Variants in JAKMIP1 observed in about 807,000 individuals in gnomAD.
JAKMIP1 encodes janus kinase and microtubule interacting protein 1.
In JAKMIP1, 33 loss-of-function variants were observed where a neutral mutation model predicts 113.0. That is an observed-to-expected ratio of 0.29 (90% CI 0.22 to 0.39). JAKMIP1 has a LOEUF of 0.39. Ranked by LOEUF, JAKMIP1 falls within the 10% of genes least tolerant of loss-of-function variation. JAKMIP1 has a pLI of 1.00. For synonymous variants in JAKMIP1, 480 were observed against 459.9 expected (o/e 1.04, Z -0.56); for missense variants, 813 against 1,080.5 (o/e 0.75, Z 3.47).
chr4:6,140,539 A>G lies in JAKMIP1; in HGVS notation c.-147-27542T>C, dbSNP rs1465535546. Among the ~76,000 whole-genome samples, 2 of 152,120 alleles carry G rather than the reference A, an allele frequency of 1.3e-5. No individual in the cohort carries two copies. The highest frequency in any genetic ancestry group is 3.9e-4 in the East Asian group (2 of 5,188). Reference sequence around the variant, plus strand: ...AATAATGTGGCTCGGGTCTTTCTGCAGGGTCAGAGGGAAGTCGGCCCGCTA... The same window carrying G: ...AATAATGTGGCTCGGGTCTTTCTGCGGGGTCAGAGGGAAGTCGGCCCGCTA... On this transcript the variant is annotated intron_variant, in intron 1 of 20. Transcript: ENST00000409021. The surrounding 1 kb of genome is among the most constrained non-coding windows in gnomAD (Gnocchi z 9.4).
chr4:6,171,871 G>T (rs1226136734), intron 1 of JAKMIP1, among the ~76,000 whole-genome samples: 2 of 152,230 alleles, frequency 1.3e-5, no homozygotes, highest in African/African-American at 4.8e-5. Context: ...TCCATTAAGT[G>T]GGGACAATGC....
chr4:6,072,543 C>T (rs549039643), intron 8 of JAKMIP1, among the ~76,000 whole-genome samples: 1 of 152,168 alleles, frequency 6.6e-6, no homozygotes, highest in Non-Finnish European at 1.5e-5. Context: ...AGCAAAGGGC[C>T]CACAGTTACA....
At position 6,192,790 on chromosome 4, in the gene JAKMIP1, A is replaced by G. The variant is rs553615377; in HGVS notation, c.-148+7463T>C. ...AATAAAATCATTTCAGATCATGATGATTCTCAAAAGCAAACAGGGTACTGA... is the reference window on the plus strand; with the variant it reads ...AATAAAATCATTTCAGATCATGATGGTTCTCAAAAGCAAACAGGGTACTGA... On this transcript the variant is annotated intron_variant, in intron 1 of 20. Transcript: ENST00000409021. The surrounding 1 kb of genome is among the most constrained non-coding windows in gnomAD (Gnocchi z 5.0). Among the ~76,000 whole-genome samples the G allele has an allele frequency of 7.2e-5, 11 of 152,222 alleles. No individual in the cohort carries two copies. Among genetic ancestry groups the G allele is most frequent in the Admixed American group, 2.0e-4 (3 of 15,298 alleles).
Position 6,154,478 on chromosome 4 carries a change from T to C in JAKMIP1, c.-147-41481A>G, listed in dbSNP as rs1463563303. Among the ~76,000 whole-genome samples, 2 of 150,816 alleles carry C rather than the reference T, an allele frequency of 1.3e-5. 1 individual carries two copies. Among genetic ancestry groups the C allele is most frequent in the African/African-American group, 4.9e-5 (2 of 40,972 alleles). ...TTCCCTGAGTGATTGGACAAGGAATTTGTCAGATGTCTATAGTCCTTTAAA... is the reference window on the plus strand; with the variant it reads ...TTCCCTGAGTGATTGGACAAGGAATCTGTCAGATGTCTATAGTCCTTTAAA... On this transcript the variant is annotated intron_variant, in intron 1 of 20. Coordinates refer to ENST00000409021, the MANE Select transcript of JAKMIP1 (RefSeq NM_001099433.2). This position sits in a 1 kb window ranked among gnomAD's most constrained non-coding sequence, Gnocchi z 4.2.
Position 6,050,654 on chromosome 4 carries a change from A to T in JAKMIP1, c.1832T>A (p.Phe611Tyr), listed in dbSNP as rs774534604. Residue 611 changes from phenylalanine (F) to tyrosine (Y), a missense_variant, in exon 14 of 21, where the codon TTT (phenylalanine) becomes TAT (tyrosine). Physicochemically the swap from Phe to Tyr is conservative, Grantham distance 22. Around this residue, in one of 2 missense-constraint regions of JAKMIP1, gnomAD observed 273 missense variants for 426.6 expected, o/e 0.64. Transcript: ENST00000409021. The surrounding 1 kb of genome is among the most constrained non-coding windows in gnomAD (Gnocchi z 7.4). ...GGGGAAGGTGGTGATTTGGAGGTTA[A>T]ATGCTGGCGACCTCCTCTCTCTCTC... ...LEERERRSPA[F>Y]NLQITTFPEN... is the part of the protein sequence containing the mutation. 6 of 1,566,786 alleles carry T rather than the reference A, an allele frequency of 3.8e-6. No individual in the cohort carries two copies. The African/African-American group carries it at 8.1e-5, about 21-fold the overall frequency.
rs74997830 is a variant in JAKMIP1 at position 6,139,770 on chromosome 4, TATAAAATAAA to T, written c.-147-26783_-147-26774del. Among the ~76,000 whole-genome samples, 96 of 148,012 alleles carry T rather than the reference TATAAAATAAA, an allele frequency of 6.5e-4. 1 individual carries two copies. Among genetic ancestry groups the T allele is most frequent in the African/African-American group, 1.2e-3 (48 of 39,850 alleles). ...GACAGAGTGAGACTCCATCTCAAAA[TATAAAATAAA>T]ATAAAATAAAATAAAATAAAATAAG... On this transcript the variant is annotated intron_variant, in intron 1 of 20. Transcript: ENST00000409021. The surrounding 1 kb of genome is among the most constrained non-coding windows in gnomAD (Gnocchi z 5.2).
At chr4:6,058,899 G>A (rs1245971655) in intron 11 of JAKMIP1, among the ~76,000 whole-genome samples, 1 of 152,182 alleles carries the variant, frequency 6.6e-6, no homozygotes, top group Non-Finnish European at 1.5e-5. Context: ...GAGGCTAGCA[G>A]CCTCAAAAAA....
Position 6,049,765 on chromosome 4 carries a change from T to C in JAKMIP1, c.1962+54A>G. The C allele has an allele frequency of 7.7e-7, 1 of 1,301,372 alleles. No individual in the cohort carries two copies. Among genetic ancestry groups the C allele is most frequent in the Non-Finnish European group, 1.1e-6 (1 of 897,178 alleles). The allele number at this position is 1,301,372 out of a possible 1,614,324, so 80.6% of individuals were successfully genotyped here. A position where few individuals can be genotyped will look rare whatever the true frequency, so the allele number is the denominator to read the frequency against. Reference sequence around the variant, plus strand: ...AAAACAAAACAAAAGTCACACAGAATACACCCAGATCAAAACAAGAACACG... The same window carrying C: ...AAAACAAAACAAAAGTCACACAGAACACACCCAGATCAAAACAAGAACACG... On this transcript the variant is annotated intron_variant, in intron 15 of 20. Coordinates refer to ENST00000409021, the MANE Select transcript of JAKMIP1 (RefSeq NM_001099433.2). The surrounding 1 kb of genome is among the most constrained non-coding windows in gnomAD (Gnocchi z 7.0).
At chr4:6,073,241 G>T (rs543225621) in intron 8 of JAKMIP1, among the ~76,000 whole-genome samples, 5 of 152,244 alleles carry the variant, frequency 3.3e-5, no homozygotes, top group African/African-American at 9.6e-5. Flanking sequence ...CGTGGGGCTA[G>T]GAGTCAAGTT....
In JAKMIP1 at chr4:6,197,452, T is replaced by C. The variant is rs563662859; in HGVS notation, c.-148+2801A>G. 2.2e-4 allele frequency among the ~76,000 whole-genome samples: 33 copies of C among 152,272 alleles called. No homozygotes were observed. In the East Asian group the frequency reaches 5.2e-3, roughly 24 times the overall value. ...GCTACCTTTGCTCAGAGACCACACCTCTGATCCCCACACCAACCTAGCCAA... is the reference window on the plus strand; with the variant it reads ...GCTACCTTTGCTCAGAGACCACACCCCTGATCCCCACACCAACCTAGCCAA... On this transcript the variant is annotated intron_variant, in intron 1 of 20. Transcript: ENST00000409021. The surrounding 1 kb of genome is among the most constrained non-coding windows in gnomAD (Gnocchi z 6.5).
chr4:6,101,124 T>C (rs1293189701), intron 3 of JAKMIP1, among the ~76,000 whole-genome samples: 1 of 152,226 alleles, frequency 6.6e-6, no homozygotes, highest in Non-Finnish European at 1.5e-5. Flanking sequence ...ATATTTACCA[T>C]GTCCCAAGAT....
At chr4:6,032,981 A>G (rs1712940815) in intron 19 of JAKMIP1, among the ~76,000 whole-genome samples, 1 of 152,250 alleles carries the variant, frequency 6.6e-6, no homozygotes, top group African/African-American at 2.4e-5. Flanking sequence ...AACTGTGGCT[A>G]GGAAGCGAAA....
intron 3 of JAKMIP1, among the ~76,000 whole-genome samples, chr4:6,104,685 C>G (rs371162007): frequency 6.6e-6 from 1 of 152,246 alleles, no homozygotes; most frequent in East Asian, 1.9e-4. Flanking sequence ...CCCTGAGGGG[C>G]AGACTGGTCA....
chr4:6,099,539 T>A (rs1005143712), intron 3 of JAKMIP1, among the ~76,000 whole-genome samples: 20 of 152,186 alleles, frequency 1.3e-4, no homozygotes, highest in African/African-American at 4.8e-4. Context: ...GCATTTTACG[T>A]CTGCATATGT....
intron 3 of JAKMIP1, among the ~76,000 whole-genome samples, chr4:6,090,068 A>G (rs898469356): frequency 3.9e-5 from 6 of 152,082 alleles, no homozygotes; most frequent in Non-Finnish European, 8.8e-5. Context: ...CTAAAAATAC[A>G]AAAATTAGCC....
chr4:6,110,894 C>A (rs1714824791), intron 2 of JAKMIP1, among the ~76,000 whole-genome samples: 1 of 151,846 alleles, frequency 6.6e-6, no homozygotes, highest in African/African-American at 2.4e-5. Flanking sequence ...ACACCCCCAG[C>A]CAGTCAGCCC....
intron 1 of JAKMIP1, among the ~76,000 whole-genome samples, chr4:6,132,059 A>AT (rs1176762978): frequency 6.6e-6 from 1 of 152,208 alleles, no homozygotes; most frequent in Admixed American, 6.5e-5. Context: ...AAATAAAATC[A>AT]TTTTTTATTC....
chr4:6,047,333 T>C (rs114803991), intron 16 of JAKMIP1, among the ~76,000 whole-genome samples: 16 of 152,384 alleles, frequency 1.0e-4, no homozygotes, highest in African/African-American at 3.8e-4. Flanking sequence ...AGCTGAGTCA[T>C]AAGTGTTTAA....
chr4:6,098,061 G>C (rs748054709), intron 3 of JAKMIP1, among the ~76,000 whole-genome samples: 1 of 152,236 alleles, frequency 6.6e-6, no homozygotes, highest in South Asian at 2.1e-4. Flanking sequence ...ATACGCATGA[G>C]TCTGGTTTAA....
Sources: allele counts gnomAD v4.1 joint callset (sites outside exome capture counted in the v4.1 genomes callset), GRCh38; gene constraint gnomAD v4.1.1; regional missense constraint gnomAD v4.1.1; non-coding constraint Gnocchi (gnomAD v3.1); transcripts MANE v1.5; gene names NCBI Gene and HGNC (gene_info 2026-07-23, HGNC 2026-07-21).